Variants in PKIG observed in about 807,000 individuals in gnomAD.
PKIG encodes the protein protein kinase (cAMP-dependent, catalytic) inhibitor gamma.
Under a neutral mutation model 6.8 loss-of-function variants are expected in PKIG, and 1 was observed. That is an observed-to-expected ratio of 0.15 (90% CI 0.05 to 0.69). PKIG has a LOEUF of 0.69. Among genes scored for constraint, PKIG ranks in the 30% least tolerant of loss-of-function variants. The probability of loss-of-function intolerance (pLI) is 0.82; values close to 1 mark genes in which losing one functional copy is unlikely to be tolerated. For synonymous variants in PKIG, 39 were observed against 43.0 expected (o/e 0.91, Z 0.36); for missense variants, 77 against 104.0 (o/e 0.74, Z 1.13).
chr20:44,582,633 G>C lies in PKIG; in HGVS notation c.-192G>C, dbSNP rs990893745. Reference sequence around the variant, plus strand: ...GGAGGGTAAAGTGAGAATCCTGCCCGCACCACAGGTCTGGACTGCTAACCT... The same window carrying C: ...GGAGGGTAAAGTGAGAATCCTGCCCCCACCACAGGTCTGGACTGCTAACCT... On this transcript the variant is annotated 5_prime_UTR_variant, in exon 1 of 4. Transcript: ENST00000372886. The C allele has an allele frequency of 6.6e-6, 1 of 152,326 alleles. No homozygotes were observed. Among genetic ancestry groups the C allele is most frequent in the Non-Finnish European group, 1.5e-5 (1 of 68,038 alleles). The allele number at this position is 152,326 out of a possible 1,614,324, so 9.4% of individuals were successfully genotyped here.
At chr20:44,591,266 A>T (rs2065031213) in intron 2 of PKIG, among the ~76,000 whole-genome samples, 1 of 152,050 alleles carries the variant, frequency 6.6e-6, no homozygotes, top group Non-Finnish European at 1.5e-5. Context: ...CATGGGCCAA[A>T]CACAGTGCAG....
At chr20:44,557,057 A>G (rs1341292075) in intron 1 of PKIG, among the ~76,000 whole-genome samples, 2 of 152,208 alleles carry the variant, frequency 1.3e-5, no homozygotes, top group African/African-American at 4.8e-5. Context: ...GCATCTATCT[A>G]TTCTATTAAG....
At chr20:44,577,088 T>C (rs2064905111) in intron 1 of PKIG, among the ~76,000 whole-genome samples, 1 of 152,114 alleles carries the variant, frequency 6.6e-6, no homozygotes, top group East Asian at 1.9e-4. Flanking sequence ...AAGTTTCTGA[T>C]TTCAAAACAT....
At chr20:44,594,903 A>G (rs987861843) in intron 2 of PKIG, among the ~76,000 whole-genome samples, 8 of 152,242 alleles carry the variant, frequency 5.3e-5, no homozygotes, top group Non-Finnish European at 1.2e-4. Context: ...TTGGCTGCTT[A>G]TCAGCAAGGC....
chr20:44,614,961 C>T lies in PKIG; in HGVS notation c.151+254C>T, dbSNP rs940325141. On this transcript the variant is annotated intron_variant, in intron 3 of 3. Transcript: ENST00000372886. This position sits in a 1 kb window ranked among gnomAD's most constrained non-coding sequence, Gnocchi z 4.6. ...CCCTGCCCCCTAGCCCAGGTCCCTCCACTTCTCGCTATCCCCACAGCTATA... is the reference window on the plus strand; with the variant it reads ...CCCTGCCCCCTAGCCCAGGTCCCTCTACTTCTCGCTATCCCCACAGCTATA... 1.3e-5 allele frequency among the ~76,000 whole-genome samples: 2 copies of T among 152,164 alleles called. No individual in the cohort carries two copies. Among genetic ancestry groups the T allele is most frequent in the African/African-American group, 4.8e-5 (2 of 41,442 alleles).
chr20:44,534,848 G>T (rs1300732711), intron 1 of PKIG, among the ~76,000 whole-genome samples: 1 of 152,052 alleles, frequency 6.6e-6, no homozygotes, highest in Non-Finnish European at 1.5e-5. Context: ...CAAATTTATG[G>T]ATAAAGAAAC....
chr20:44,571,286 G>A (rs545364549), intron 1 of PKIG, among the ~76,000 whole-genome samples: 2 of 151,752 alleles, frequency 1.3e-5, no homozygotes, highest in South Asian at 4.2e-4. Flanking sequence ...TAAATAATTT[G>A]CATTCTATGT....
intron 2 of PKIG, among the ~76,000 whole-genome samples, chr20:44,604,843 A>G (rs1193961745): frequency 6.6e-6 from 1 of 152,222 alleles, no homozygotes; most frequent in Non-Finnish European, 1.5e-5. Flanking sequence ...GGAATTGTGA[A>G]AGAAAGAAGA....
At chr20:44,541,236 T>C (rs921312724) in intron 1 of PKIG, among the ~76,000 whole-genome samples, 1 of 152,226 alleles carries the variant, frequency 6.6e-6, no homozygotes, top group Non-Finnish European at 1.5e-5. Context: ...GATTTATTTT[T>C]TAAGTGATTC....
chr20:44,614,331 A>G lies in PKIG; in HGVS notation c.-23-203A>G. On this transcript the variant is annotated intron_variant, in intron 2 of 3. Coordinates refer to ENST00000372886, the MANE Select transcript of PKIG (RefSeq NM_001281445.2). This position sits in a 1 kb window ranked among gnomAD's most constrained non-coding sequence, Gnocchi z 4.6. ...AGAAAAGTCTGAGCCCATGTTCTTT[A>G]AAATGTTGATGGTGGTTGTCTGGGT... 8.1e-6 allele frequency: 4 copies of G among 494,808 alleles called. No homozygotes were observed. In the South Asian group the frequency reaches 1.2e-4, roughly 14 times the overall value. The allele number at this position is 494,808 out of a possible 1,614,324, so 30.7% of individuals were successfully genotyped here.
intron 2 of PKIG, among the ~76,000 whole-genome samples, chr20:44,599,313 T>G (rs1388941078): frequency 6.6e-6 from 1 of 152,244 alleles, no homozygotes; most frequent in Non-Finnish European, 1.5e-5. Flanking sequence ...TCCCTAACCT[T>G]GCTGAGTTTC....
intron 1 of PKIG, among the ~76,000 whole-genome samples, chr20:44,569,941 G>A (rs1405847715): frequency 7.9e-5 from 12 of 152,170 alleles, no homozygotes; most frequent in Non-Finnish European, 1.5e-4. Context: ...CCAGCCTGGC[G>A]ACACAGTGAG....
intron 1 of PKIG, among the ~76,000 whole-genome samples, chr20:44,534,868 A>G (rs943025135): frequency 4.6e-5 from 7 of 152,170 alleles, no homozygotes; most frequent in Admixed American, 3.9e-4. Flanking sequence ...CTGAGGTAAC[A>G]TGCTCACTCA....
intron 1 of PKIG, among the ~76,000 whole-genome samples, chr20:44,555,001 A>C (rs1228503915): frequency 6.6e-6 from 1 of 152,128 alleles, no homozygotes; most frequent in Admixed American, 6.5e-5. Context: ...GATTTGTTGA[A>C]GCTTAATATC....
At chr20:44,546,817 G>C (rs769197291) in intron 1 of PKIG, among the ~76,000 whole-genome samples, 3 of 152,056 alleles carry the variant, frequency 2.0e-5, no homozygotes, top group Non-Finnish European at 4.4e-5. Context: ...GCGTCCCAAA[G>C]TGCTGGGATT....
intron 1 of PKIG, among the ~76,000 whole-genome samples, chr20:44,542,947 C>T (rs1270873309): frequency 2.0e-5 from 3 of 152,128 alleles, no homozygotes; most frequent in Admixed American, 2.0e-4. Context: ...GTATAGTATA[C>T]TTAGGAAGGT....
At chr20:44,538,377 G>T (rs541623073) in intron 1 of PKIG, among the ~76,000 whole-genome samples, 1 of 152,272 alleles carries the variant, frequency 6.6e-6, no homozygotes, top group South Asian at 2.1e-4. Context: ...ATCCCTCTCA[G>T]ATACTATATC....
At chr20:44,551,111 G>A (rs2064664223) in intron 1 of PKIG, among the ~76,000 whole-genome samples, 1 of 151,950 alleles carries the variant, frequency 6.6e-6, no homozygotes, top group Admixed American at 6.6e-5. Context: ...CGCCCAGGCT[G>A]GAGTGCAGTG....
At chr20:44,573,796 A>G (rs182990933) in intron 1 of PKIG, among the ~76,000 whole-genome samples, 7 of 152,378 alleles carry the variant, frequency 4.6e-5, no homozygotes, top group Admixed American at 3.3e-4. Context: ...TTGAATAGCA[A>G]TAATTGTTAT....
Sources: gnomAD v4.1 joint callset for allele counts (sites outside exome capture counted in the v4.1 genomes callset) on GRCh38, gnomAD v4.1.1 for gene constraint, Gnocchi (gnomAD v3.1) non-coding constraint, MANE v1.5 for transcripts, NCBI Gene and HGNC (gene_info 2026-07-23, HGNC 2026-07-21) for gene names.